Variants in HMCN2 observed in about 807,000 individuals in gnomAD.
HMCN2 encodes hemicentin 2, also known as hemicentin-2.
A neutral mutation model predicts 377.5 loss-of-function variants in HMCN2; 325 were observed. That is an observed-to-expected ratio of 0.86 (90% CI 0.79 to 0.94). HMCN2 has a LOEUF of 0.94. Among genes scored for constraint, HMCN2 ranks in the 40% least tolerant of loss-of-function variants. The probability of loss-of-function intolerance (pLI) is 0.00; values close to 1 mark genes in which losing one functional copy is unlikely to be tolerated. For missense variants in HMCN2, 4,543 were observed against 4,725.3 expected, an observed-to-expected ratio of 0.96 and a Z score of 1.13; for synonymous variants, 2,007 against 2,046.8, an observed-to-expected ratio of 0.98 and a Z score of 0.53.
Position 130,357,906 on chromosome 9 carries a change from G to A in HMCN2, c.5498G>A (p.Cys1833Tyr). 1.5e-6 allele frequency: 2 copies of A among 1,304,164 alleles called. No individual in the cohort carries two copies. Among genetic ancestry groups the A allele is most frequent in the Non-Finnish European group, 2.0e-6 (2 of 988,870 alleles). The allele number at this position is 1,304,164 out of a possible 1,614,324, so 80.8% of individuals were successfully genotyped here. A position where few individuals can be genotyped will look rare whatever the true frequency, so the allele number is the denominator to read the frequency against. ...APFLQPVTLQ[C>Y]IGDGVPTPSL... Reference sequence around the variant, plus strand: ...TTCCTGCAGCCTGTGACCCTCCAGTGCATAGGGGATGGGGTGCCCACCCCA... The same window carrying A: ...TTCCTGCAGCCTGTGACCCTCCAGTACATAGGGGATGGGGTGCCCACCCCA... The change falls in exon 35 of 98, where the codon TGC becomes TAC. Residue 1833 changes from cysteine (C) to tyrosine (Y), a missense_variant. This residue lies in a region of HMCN2 where 1,032 missense variants were observed against 1,285.1 expected (regional missense o/e 0.80). Coordinates refer to ENST00000683500, the MANE Select transcript of HMCN2 (RefSeq NM_001291815.2).
intron 1 of HMCN2, among the ~76,000 whole-genome samples, chr9:130,268,051 G>A (rs1450865232): frequency 6.6e-6 from 1 of 152,228 alleles, no homozygotes. Context: ...ACCTGCCAGG[G>A]TGGCGTCATT....
chr9:130,271,935 G>A (rs1246038576), intron 1 of HMCN2, among the ~76,000 whole-genome samples: 4 of 149,266 alleles, frequency 2.7e-5, no homozygotes, highest in Non-Finnish European at 6.0e-5. Context: ...ATTTATATTC[G>A]ATATTGGATT....
At chr9:130,336,812 G>A (rs1281727684) in intron 22 of HMCN2, among the ~76,000 whole-genome samples, 4 of 152,152 alleles carry the variant, frequency 2.6e-5, no homozygotes, top group Admixed American at 1.3e-4. Flanking sequence ...CATGGCCCGC[G>A]CTTTGCTCAC....
At chr9:130,329,872 C>G (rs914604472) in intron 22 of HMCN2, among the ~76,000 whole-genome samples, 1 of 151,996 alleles carries the variant, frequency 6.6e-6, no homozygotes, top group Admixed American at 6.5e-5. Flanking sequence ...CACCACACCC[C>G]CTCCGTCCCT....
rs942975830 is a variant in HMCN2 at position 130,393,010 on chromosome 9, A to AAAAAAG, written c.10137-194_10137-189dup. Among the ~76,000 whole-genome samples, 1 of 151,944 alleles carries AAAAAAG rather than the reference A, an allele frequency of 6.6e-6. No homozygotes were observed. Among genetic ancestry groups the AAAAAAG allele is most frequent in the Non-Finnish European group, 1.5e-5 (1 of 67,960 alleles). On this transcript the variant is annotated intron_variant, in intron 66 of 97. Transcript: ENST00000683500. The surrounding 1 kb of genome is among the most constrained non-coding windows in gnomAD (Gnocchi z 5.2). Reference sequence around the variant, plus strand: ...GACACCATCTCACCATCTCAAAAAAAAAAAAGAAAAAGAGAGAGTTTAAGC... The same window carrying AAAAAAG: ...GACACCATCTCACCATCTCAAAAAAAAAAAAGAAAAAGAAAAAGAGAGAGTTTAAGC...
chr9:130,357,844 G>C lies in HMCN2; in HGVS notation c.5436G>C (p.Ser1812=). 1 of 1,303,282 alleles carries C rather than the reference G, an allele frequency of 7.7e-7. No individual in the cohort carries two copies. Among genetic ancestry groups the C allele is most frequent in the South Asian group, 1.2e-5 (1 of 80,862 alleles). 80.7% of individuals were successfully genotyped at this position (1,303,282 alleles called of 1,614,324 possible). ...EVEVSVHEFP[S]VSIIGGENIT... ...TCTTTCCCTTCCCAGAGTTCCCATCGGTCAGTATCATTGGGGGTGAGAACA... is the reference window on the plus strand; with the variant it reads ...TCTTTCCCTTCCCAGAGTTCCCATCCGTCAGTATCATTGGGGGTGAGAACA... The change falls in exon 35 of 98, where the codon TCG becomes TCC. Residue 1812 remains serine (S), a synonymous_variant. Transcript: ENST00000683500.
intron 74 of HMCN2, 111 bp downstream of exon 74, chr9:130,397,766 T>G: frequency 9.8e-7 from 1 of 1,019,840 alleles, no homozygotes. Context: ...TCTTCAAATG[T>G]TTTTGACCAT....
At chr9:130,388,351 G>C in intron 61 of HMCN2, 58 bp from the exon 62 acceptor site, 1 of 986,840 alleles carries the variant, frequency 1.0e-6, no homozygotes, top group Non-Finnish European at 1.2e-6. Context: ...ATCTGCCTGA[G>C]GGGAAGGAAA....
In HMCN2 at chr9:130,360,880, T is replaced by C. The variant is rs994971021; in HGVS notation, c.5950+276T>C. ...ATCCATCCATCAACTCATCTATCCA[T>C]CCATCCATCCATCCATCTCTCATCC... On this transcript the variant is annotated intron_variant, in intron 38 of 97. Transcript: ENST00000683500. This position sits in a 1 kb window ranked among gnomAD's most constrained non-coding sequence, Gnocchi z 4.7. 6.6e-6 allele frequency among the ~76,000 whole-genome samples: 1 copy of C among 150,658 alleles called. No individual in the cohort carries two copies. Among genetic ancestry groups the C allele is most frequent in the African/African-American group, 2.4e-5 (1 of 40,952 alleles).
chr9:130,387,982 T>A (rs541724168), intron 61 of HMCN2, among the ~76,000 whole-genome samples: 126 of 152,322 alleles, frequency 8.3e-4, no homozygotes, highest in African/African-American at 2.8e-3. Flanking sequence ...CTCCCAGCCC[T>A]TTCTGATGGC....
In HMCN2 at chr9:130,385,628, G is replaced by C. The variant is rs1232594011; in HGVS notation, c.9175G>C (p.Ala3059Pro). 1 of 1,304,220 alleles carries C rather than the reference G, an allele frequency of 7.7e-7. No homozygotes were observed. Among genetic ancestry groups the C allele is most frequent in the Admixed American group, 2.3e-5 (1 of 43,568 alleles). 80.8% of individuals were successfully genotyped at this position (1,304,220 alleles called of 1,614,324 possible). A position where few individuals can be genotyped will look rare whatever the true frequency, so the allele number is the denominator to read the frequency against. ...GGTCCTGGTGAGGGTCGGGGACAAA[G>C]CTGTCCTGAGCTGCGAGACAGATGC... The part of the protein sequence containing the change: ...DAVLVRVGDK[A>P]VLSCETDALP... Residue 3059 changes from alanine to proline, a missense_variant, in exon 60 of 98, where the codon GCT becomes CCT. By Grantham distance (27) the Ala-to-Pro change is conservative. Coordinates refer to ENST00000683500, the MANE Select transcript of HMCN2 (RefSeq NM_001291815.2).
chr9:130,298,168 G>T (rs1195745400), intron 7 of HMCN2, among the ~76,000 whole-genome samples: 1 of 152,112 alleles, frequency 6.6e-6, no homozygotes, highest in African/African-American at 2.4e-5. Context: ...TGGCCAGTTT[G>T]GTCTTGAACT....
At position 130,426,828 on chromosome 9, in the gene HMCN2, ATTC is replaced by A. The variant is rs760118786; in HGVS notation, c.13880-475_13880-473del. 9.3e-5 allele frequency among the ~76,000 whole-genome samples: 14 copies of A among 150,922 alleles called. 1 individual carries two copies. The highest frequency in any genetic ancestry group is 2.1e-4 in the South Asian group (1 of 4,762). ...TGTATTTTATGTGTGACCCAAGGCAATTCTTCTTCTTCCAGCGTGGCCCACAGA... is the reference window on the plus strand; with the variant it reads ...TGTATTTTATGTGTGACCCAAGGCAATTCTTCTTCCAGCGTGGCCCACAGA... On this transcript the variant is annotated intron_variant, in intron 90 of 97. Transcript: ENST00000683500.
rs1285678469 is a variant in HMCN2 at position 130,376,454 on chromosome 9, G to T, written c.7919-62G>T. 3.7e-6 allele frequency: 3 copies of T among 812,812 alleles called. No individual in the cohort carries two copies. The East Asian group carries it at 3.8e-4, about 102-fold the overall frequency. The allele number at this position is 812,812 out of a possible 1,614,324, so 50.3% of individuals were successfully genotyped here. A position where few individuals can be genotyped will look rare whatever the true frequency, so the allele number is the denominator to read the frequency against. Reference sequence around the variant, plus strand: ...TTCTGAGGCTACCCCCAGGACCAGGGTAAGCTCAGGGTTTCAGCACCCATC... The same window carrying T: ...TTCTGAGGCTACCCCCAGGACCAGGTTAAGCTCAGGGTTTCAGCACCCATC... On this transcript the variant is annotated intron_variant, in intron 51 of 97. Coordinates refer to ENST00000683500, the MANE Select transcript of HMCN2 (RefSeq NM_001291815.2).
At position 130,398,597 on chromosome 9, in the gene HMCN2, C is replaced by T; in HGVS notation, c.11373C>T (p.Ala3791=). The change falls in exon 75 of 98, where the codon GCC becomes GCT. Residue 3791 remains alanine, a synonymous_variant. Coordinates refer to ENST00000683500, the MANE Select transcript of HMCN2 (RefSeq NM_001291815.2). ...GCCCCTCCAACCTGACCCTGACCGC[C>T]CACACCCCAGCCTTGCTGCCCTGCG... The part of the protein sequence containing the change: ...APSPSNLTLT[A]HTPALLPCEA... 7.8e-7 allele frequency: 1 copy of T among 1,280,502 alleles called. No homozygotes were observed. The highest frequency in any genetic ancestry group is 1.0e-6 in the Non-Finnish European group (1 of 982,134). The allele number at this position is 1,280,502 out of a possible 1,614,324, so 79.3% of individuals were successfully genotyped here. A position where few individuals can be genotyped will look rare whatever the true frequency, so the allele number is the denominator to read the frequency against.
chr9:130,355,937 G>T, intron 33 of HMCN2, 83 bp downstream of exon 33: 1 of 965,680 alleles, frequency 1.0e-6, no homozygotes. Context: ...GTGGACAGGA[G>T]AGAGGCTTCC....
rs1835478769 is a variant in HMCN2, at chr9:130,287,506, G to A, written c.612+1196G>A. Among the ~76,000 whole-genome samples the A allele has an allele frequency of 2.9e-5, 4 of 136,946 alleles. No homozygotes were observed. In the South Asian group the frequency reaches 9.1e-4, roughly 31 times the overall value. The allele number at this position is 136,946 out of a possible 152,430, so 89.8% of individuals were successfully genotyped here. A position where few individuals can be genotyped will look rare whatever the true frequency, so the allele number is the denominator to read the frequency against. On this transcript the variant is annotated intron_variant, in intron 4 of 97. Coordinates refer to ENST00000683500, the MANE Select transcript of HMCN2 (RefSeq NM_001291815.2). ...GCGGAGGTTGTGGTGAGCCAAGATC[G>A]TGCCATTGCACTCCAGCCTGGGCAA... is the stretch of plus-strand genomic sequence containing the variant.
In HMCN2 at chr9:130,423,376, G is replaced by GCC. The variant is rs960310109; in HGVS notation, c.13381+652_13381+653dup. ...CACTGAAAGTAGCTCCTCTGAAGCT[G>GCC]CCCTTGGCCATGGTCCCGCATGAGC... is the stretch of plus-strand genomic sequence containing the variant. On this transcript the variant is annotated intron_variant, in intron 87 of 97. Transcript: ENST00000683500. This position sits in a 1 kb window ranked among gnomAD's most constrained non-coding sequence, Gnocchi z 5.5. 2.6e-5 allele frequency among the ~76,000 whole-genome samples: 4 copies of GCC among 152,218 alleles called. No homozygotes were observed. The highest frequency in any genetic ancestry group is 9.6e-5 in the African/African-American group (4 of 41,454).
rs1842478482 is a variant in HMCN2, at chr9:130,394,136, C to T, written c.10501+128C>T. The T allele has an allele frequency of 3.2e-6, 3 of 926,080 alleles. No homozygotes were observed. The highest frequency in any genetic ancestry group is 1.7e-5 in the South Asian group (1 of 59,070). The allele number at this position is 926,080 out of a possible 1,614,324, so 57.4% of individuals were successfully genotyped here. ...CTGGGACTGCCACCTGGGAGCAGAA[C>T]TCAGGGAACTTGGTTCTGGCTGGGA... On this transcript the variant is annotated intron_variant, in intron 68 of 97. Transcript: ENST00000683500. This position sits in a 1 kb window ranked among gnomAD's most constrained non-coding sequence, Gnocchi z 5.1.
Sources: allele counts gnomAD v4.1 joint callset (sites outside exome capture counted in the v4.1 genomes callset), GRCh38; gene constraint gnomAD v4.1.1; regional missense constraint gnomAD v4.1.1; non-coding constraint Gnocchi (gnomAD v3.1); transcripts MANE v1.5; gene names NCBI Gene and HGNC (gene_info 2026-07-23, HGNC 2026-07-21).